The following TENM3 variants were observed in gnomAD, a reference collection of about 807,000 sequenced individuals.
TENM3 encodes teneurin-3.
A neutral mutation model predicts 255.1 loss-of-function variants in TENM3; 63 were observed. That is an observed-to-expected ratio of 0.25 (90% CI 0.20 to 0.30). The LOEUF (loss-of-function observed/expected upper bound fraction) is 0.30, where lower values mean the gene tolerates loss of function less well. Ranked by LOEUF, TENM3 falls within the 10% of genes least tolerant of loss-of-function variation. The pLI is 1.00. For synonymous variants in TENM3, 1,306 were observed against 1,322.3 expected, an observed-to-expected ratio of 0.99 and a Z score of 0.27; for missense variants, 2,929 against 3,461.1, an observed-to-expected ratio of 0.85 and a Z score of 3.86.
chr4:181,788,900 A>G, the TENM3 span, among the ~76,000 whole-genome samples: 2 of 152,182 alleles, frequency 1.3e-5, no homozygotes, highest in Admixed American at 1.3e-4. Context: ...GCCTAGCCCT[A>G]TCTTTTAATT....
chr4:181,633,100 C>A, the TENM3 span, among the ~76,000 whole-genome samples: 1 of 152,214 alleles, frequency 6.6e-6, no homozygotes, highest in South Asian at 2.1e-4. Flanking sequence ...AGAAGGAGCC[C>A]AATCCACTTA....
chr4:181,563,263 C>A, the TENM3 span, among the ~76,000 whole-genome samples: 1 of 152,140 alleles, frequency 6.6e-6, no homozygotes, highest in Non-Finnish European at 1.5e-5. Context: ...TTCTGGAGTT[C>A]TGCTGGCAAT....
At chr4:182,475,276 G>A (rs969278748) in intron 3 of TENM3, among the ~76,000 whole-genome samples, 4 of 152,230 alleles carry the variant, frequency 2.6e-5, no homozygotes, top group African/African-American at 9.6e-5. Flanking sequence ...TTGAAAGTTG[G>A]TTATTTTTTA....
chr4:182,263,931 C>T (rs1377309142), intron 1 of TENM3, among the ~76,000 whole-genome samples: 1 of 151,008 alleles, frequency 6.6e-6, no homozygotes, highest in Non-Finnish European at 1.5e-5. Context: ...CTGGCCAGAA[C>T]GAAAAAAAAA....
At position 182,754,765 on chromosome 4, in the gene TENM3, C is replaced by G; in HGVS notation, c.4398C>G (p.Ala1466=). ...GTTACCAGAGTGGAGATGGCTACGCCAAGGATGCCAAACTCAGTGCCCCAT... is the reference window on the plus strand; with the variant it reads ...GTTACCAGAGTGGAGATGGCTACGCGAAGGATGCCAAACTCAGTGCCCCAT... ...CDCYQSGDGY[A]KDAKLSAPSS... is the part of the protein sequence containing the mutation. The change falls in exon 22 of 28, where the codon GCC becomes GCG. Residue 1466 remains alanine (A), a synonymous_variant. Coordinates refer to ENST00000511685, the MANE Select transcript of TENM3 (RefSeq NM_001080477.4). The surrounding 1 kb of genome is among the most constrained non-coding windows in gnomAD (Gnocchi z 5.1). The G allele has an allele frequency of 6.2e-7, 1 of 1,614,028 alleles. No individual in the cohort carries two copies. Among genetic ancestry groups the G allele is most frequent in the Non-Finnish European group, 8.5e-7 (1 of 1,179,900 alleles).
At chr4:182,477,250 G>T (rs1733763291) in intron 3 of TENM3, among the ~76,000 whole-genome samples, 1 of 152,146 alleles carries the variant, frequency 6.6e-6, no homozygotes, top group African/African-American at 2.4e-5. Context: ...GTTGTATAGG[G>T]ATTGTTACCT....
intron 1 of TENM3, chr4:182,169,153 A>G (rs28555566): frequency 0.24 from 100,644 of 427,250 alleles, 12,555 homozygotes; most frequent in Admixed American, 0.32. Context: ...TTTGACCACT[A>G]TTAATCTGTG....
the TENM3 span, among the ~76,000 whole-genome samples, chr4:181,551,162 A>T: frequency 6.6e-6 from 1 of 152,312 alleles, no homozygotes; most frequent in Non-Finnish European, 1.5e-5. Context: ...AGCAGAAACA[A>T]ATTCTTAAAG....
chr4:182,543,263 T>A (rs1025428544), intron 3 of TENM3, among the ~76,000 whole-genome samples: 4 of 152,062 alleles, frequency 2.6e-5, no homozygotes, highest in African/African-American at 9.7e-5. Context: ...GGAAGGGAAG[T>A]GTCTCAACAT....
At chr4:181,850,959 C>T in the TENM3 span, among the ~76,000 whole-genome samples, 4 of 152,148 alleles carry the variant, frequency 2.6e-5, no homozygotes, top group African/African-American at 9.7e-5. Flanking sequence ...CGTTTCATCT[C>T]CCATGCTTAG....
At chr4:181,772,919 T>C in the TENM3 span, among the ~76,000 whole-genome samples, 1 of 152,192 alleles carries the variant, frequency 6.6e-6, no homozygotes, top group Non-Finnish European at 1.5e-5. Flanking sequence ...CTTACAACTT[T>C]CAGATAAGGG....
intron 3 of TENM3, among the ~76,000 whole-genome samples, chr4:182,478,800 A>G (rs915823827): frequency 6.6e-6 from 1 of 151,956 alleles, no homozygotes; most frequent in African/African-American, 2.4e-5. Flanking sequence ...TGTGTTGGTT[A>G]TATTAAAACT....
chr4:181,460,288 G>A, the TENM3 span, among the ~76,000 whole-genome samples: 83 of 151,972 alleles, frequency 5.5e-4, 2 homozygotes, highest in South Asian at 0.015. Flanking sequence ...ATTTCCAAAC[G>A]TGCTAGGGTT....
intron 1 of TENM3, among the ~76,000 whole-genome samples, chr4:182,177,959 T>A (rs1752606412): frequency 2.8e-5 from 1 of 35,718 alleles, no homozygotes; most frequent in African/African-American, 1.8e-4. Context: ...TTGGTTTTTG[T>A]TTTTTTTTTT....
At chr4:181,453,309 T>C in the TENM3 span, among the ~76,000 whole-genome samples, 44 of 152,212 alleles carry the variant, frequency 2.9e-4, no homozygotes, top group African/African-American at 1.1e-3. Context: ...GCAAACAAGC[T>C]AGGTGGAGGG....
At position 182,765,035 on chromosome 4, in the gene TENM3, C is replaced by T. The variant is rs150619760; in HGVS notation, c.4893-8437C>T. ...TCCCAACTTAGGTGACTAGTGGACACGGAGATACGGGGAAGAATTGTAGGT... is the reference window on the plus strand; with the variant it reads ...TCCCAACTTAGGTGACTAGTGGACATGGAGATACGGGGAAGAATTGTAGGT... On this transcript the variant is annotated intron_variant, in intron 22 of 27. Transcript: ENST00000511685. 3.0e-3 allele frequency among the ~76,000 whole-genome samples: 449 copies of T among 152,006 alleles called. 4 individuals carry two copies. The highest frequency in any genetic ancestry group is 0.01 in the African/African-American group (427 of 41,438).
At chr4:182,552,058 A>T (rs887686576) in intron 3 of TENM3, among the ~76,000 whole-genome samples, 1 of 151,934 alleles carries the variant, frequency 6.6e-6, no homozygotes, top group African/African-American at 2.4e-5. Context: ...ATGATATGTA[A>T]CATTTGGGAG....
chr4:182,777,857 A>ATATATATATATATATGCTGT (rs1764828355), intron 24 of TENM3, among the ~76,000 whole-genome samples: 1 of 67,656 alleles, frequency 1.5e-5, no homozygotes, highest in Admixed American at 1.7e-4. Flanking sequence ...ATATGCTGTT[A>ATATATATATATATATGCTGT]TATATATATA....
At chr4:181,681,605 C>T in the TENM3 span, among the ~76,000 whole-genome samples, 1 of 152,086 alleles carries the variant, frequency 6.6e-6, no homozygotes, top group Non-Finnish European at 1.5e-5. Flanking sequence ...AATTCTTCTT[C>T]ACTCCACCAA....
Sources: gnomAD v4.1 joint callset for allele counts (sites outside exome capture counted in the v4.1 genomes callset) on GRCh38, gnomAD v4.1.1 for gene constraint, Gnocchi (gnomAD v3.1) non-coding constraint, MANE v1.5 for transcripts, NCBI Gene and HGNC (gene_info 2026-07-23, HGNC 2026-07-21) for gene names.